The following DCTN5 variants were observed in gnomAD, a reference collection of about 807,000 sequenced individuals.
DCTN5 encodes the protein dynactin 4.
DCTN5 carries 14 observed loss-of-function variants against 23.5 expected under a neutral mutation model. That is an observed-to-expected ratio of 0.60 (90% CI 0.39 to 0.93). The LOEUF is 0.93. Ranked by LOEUF, DCTN5 falls within the 40% of genes least tolerant of loss-of-function variation. The pLI is 0.00. For synonymous variants in DCTN5, 67 were observed against 79.6 expected (o/e 0.84, Z 0.84); for missense variants, 156 against 225.9 (o/e 0.69, Z 1.98).
chr16:23,656,363 A>G (rs74012306), intron 2 of DCTN5, among the ~76,000 whole-genome samples: 9,637 of 152,258 alleles, frequency 0.063, 640 homozygotes, highest in African/African-American at 0.16. Flanking sequence ...TTTCCAGTTC[A>G]TTTGTTCAAA....
chr16:23,642,857 A>C, intron 1 of DCTN5, 98 bp from the exon 2 acceptor site: 1 of 1,052,304 alleles, frequency 9.5e-7, no homozygotes, highest in East Asian at 2.4e-5. Context: ...ACCCCACTTT[A>C]TGTTTTTTTC....
In DCTN5 at chr16:23,671,310, C is replaced by T. The variant is rs3863493; in HGVS notation, c.*4166C>T. ...ACTCAATAAACGGCAGTTTATTAGG[C>T]ACTTTTATTAGGAAGTGATACACCT... On this transcript the variant is annotated 3_prime_UTR_variant, in exon 6 of 6. Transcript: ENST00000300087. 2.6e-5 allele frequency: 4 copies of T among 152,008 alleles called. No homozygotes were observed. The highest frequency in any genetic ancestry group is 2.9e-5 in the Non-Finnish European group (2 of 67,990). 9.4% of individuals were successfully genotyped at this position (152,008 alleles called of 1,614,324 possible).
rs1379417833 is a variant in DCTN5, at chr16:23,667,662, GC to G, written c.*521del. On this transcript the variant is annotated 3_prime_UTR_variant, in exon 6 of 6. Transcript: ENST00000300087. The stretch of plus-strand genomic sequence containing the variant: ...GGAAAGGTGTTTGTGACTTTTCAGA[GC>G]CCAGATTCCTGTTGTCTATTAAAAC... 1 of 155,826 alleles carries G rather than the reference GC, an allele frequency of 6.4e-6. No homozygotes were observed. Among genetic ancestry groups the G allele is most frequent in the Admixed American group, 6.2e-5 (1 of 16,170 alleles). The allele number at this position is 155,826 out of a possible 1,614,324, so 9.7% of individuals were successfully genotyped here.
rs1321266083 is a variant in DCTN5, at chr16:23,667,909, T to TA, written c.*766dup. The TA allele has an allele frequency of 2.0e-5, 3 of 152,242 alleles. No homozygotes were observed. The highest frequency in any genetic ancestry group is 1.9e-4 in the East Asian group (1 of 5,202). The allele number at this position is 152,242 out of a possible 1,614,324, so 9.4% of individuals were successfully genotyped here. A position where few individuals can be genotyped will look rare whatever the true frequency, so the allele number is the denominator to read the frequency against. ...TGGTTACTCCTTGCTTCAAGGTACT[T>TA]ACCTTATTTCATTGAAGACACCGCA... On this transcript the variant is annotated 3_prime_UTR_variant, in exon 6 of 6. Transcript: ENST00000300087.
At chr16:23,662,354 C>G (rs1967830012) in intron 4 of DCTN5, among the ~76,000 whole-genome samples, 1 of 152,146 alleles carries the variant, frequency 6.6e-6, no homozygotes. Context: ...CTGTAGGACC[C>G]TGGTCCATTG....
Position 23,670,634 on chromosome 16 carries a change from G to C in DCTN5, c.*3490G>C, listed in dbSNP as rs1227366985. 1 of 152,188 alleles carries C rather than the reference G, an allele frequency of 6.6e-6. No homozygotes were observed. The highest frequency in any genetic ancestry group is 1.9e-4 in the East Asian group (1 of 5,198). 9.4% of individuals were successfully genotyped at this position (152,188 alleles called of 1,614,324 possible). A position where few individuals can be genotyped will look rare whatever the true frequency, so the allele number is the denominator to read the frequency against. On this transcript the variant is annotated 3_prime_UTR_variant, in exon 6 of 6. Coordinates refer to ENST00000300087, the MANE Select transcript of DCTN5 (RefSeq NM_032486.4). Reference sequence around the variant, plus strand: ...CAGCTGGCTGGTCTCCTGGGGGTTAGCTTCCATGGAGCTGCAAGTCCCCTG... The same window carrying C: ...CAGCTGGCTGGTCTCCTGGGGGTTACCTTCCATGGAGCTGCAAGTCCCCTG...
At position 23,653,499 on chromosome 16, in the gene DCTN5, A is replaced by G. The variant is rs143454734; in HGVS notation, c.118-5008A>G. ...GGTGCTTGGATAACTGGCTAGCCAT[A>G]TGGAGAAAATTGAAACTGGACCCCT... is the stretch of plus-strand genomic sequence containing the variant. On this transcript the variant is annotated intron_variant, in intron 2 of 5. Transcript: ENST00000300087. 6.3e-3 allele frequency among the ~76,000 whole-genome samples: 954 copies of G among 152,312 alleles called. 11 individuals carry two copies. Among genetic ancestry groups the G allele is most frequent in the African/African-American group, 0.022 (897 of 41,566 alleles).
At chr16:23,660,708 T>C (rs1401737128) in intron 3 of DCTN5, among the ~76,000 whole-genome samples, 1 of 152,224 alleles carries the variant, frequency 6.6e-6, no homozygotes, top group Non-Finnish European at 1.5e-5. Flanking sequence ...ATTTCTAGCA[T>C]TGAGTCTGGC....
intron 2 of DCTN5, among the ~76,000 whole-genome samples, chr16:23,647,992 T>A (rs1358745204): frequency 6.6e-6 from 1 of 152,202 alleles, no homozygotes; most frequent in African/African-American, 2.4e-5. Context: ...TATTCCTATT[T>A]TTGCCACCCT....
chr16:23,652,816 ATAATT>A (rs1967629767), intron 2 of DCTN5, among the ~76,000 whole-genome samples: 1 of 152,228 alleles, frequency 6.6e-6, no homozygotes. Context: ...GGGGCACATG[ATAATT>A]TAATACATTT....
In DCTN5 at chr16:23,667,481, T is replaced by C; in HGVS notation, c.*337T>C. ...GGCTGGATCCCGCCTGAAACGGACC[T>C]GCAGAGCAGCAGCACCCTTCCGGTG... On this transcript the variant is annotated 3_prime_UTR_variant, in exon 6 of 6. Transcript: ENST00000300087. 1 of 273,308 alleles carries C rather than the reference T, an allele frequency of 3.7e-6. No individual in the cohort carries two copies. The highest frequency in any genetic ancestry group is 7.2e-6 in the Non-Finnish European group (1 of 139,030). The allele number at this position is 273,308 out of a possible 1,614,324, so 16.9% of individuals were successfully genotyped here.
At chr16:23,663,491 A>T (rs1967851918) in intron 4 of DCTN5, among the ~76,000 whole-genome samples, 1 of 152,158 alleles carries the variant, frequency 6.6e-6, no homozygotes, top group South Asian at 2.1e-4. Context: ...AGGCAGGAGG[A>T]TCACTTGAGG....
chr16:23,647,755 G>A (rs139465383), intron 2 of DCTN5, among the ~76,000 whole-genome samples: 4,189 of 152,152 alleles, frequency 0.028, 81 homozygotes, highest in Middle Eastern at 0.095. Flanking sequence ...TGATCTGCCT[G>A]CCTCAGCCTC....
In DCTN5 at chr16:23,674,543, T is replaced by C. The variant is rs1968061229; in HGVS notation, c.*7399T>C. The C allele has an allele frequency of 1.3e-5, 2 of 152,232 alleles. No individual in the cohort carries two copies. The highest frequency in any genetic ancestry group is 2.9e-5 in the Non-Finnish European group (2 of 68,058). 9.4% of individuals were successfully genotyped at this position (152,232 alleles called of 1,614,324 possible). A position where few individuals can be genotyped will look rare whatever the true frequency, so the allele number is the denominator to read the frequency against. ...TTAGTTGCAGCTTGCAACAGTGGAC[T>C]GACAGCCTGACTCTACTTCCCTCAC... is the stretch of plus-strand genomic sequence containing the variant. On this transcript the variant is annotated 3_prime_UTR_variant, in exon 6 of 6. Coordinates refer to ENST00000300087, the MANE Select transcript of DCTN5 (RefSeq NM_032486.4).
chr16:23,660,044 T>A (rs1039966552), intron 3 of DCTN5, among the ~76,000 whole-genome samples: 1 of 152,194 alleles, frequency 6.6e-6, no homozygotes, highest in African/African-American at 2.4e-5. Context: ...AAATGTGGAT[T>A]TTTTTCTACC....
At chr16:23,660,522 T>G (rs1204587715) in intron 3 of DCTN5, among the ~76,000 whole-genome samples, 1 of 152,226 alleles carries the variant, frequency 6.6e-6, no homozygotes, top group East Asian at 1.9e-4. Context: ...AATTAAGTTT[T>G]TCCTAAATCC....
At chr16:23,659,368 G>A (rs1324264100) in intron 3 of DCTN5, among the ~76,000 whole-genome samples, 3 of 152,176 alleles carry the variant, frequency 2.0e-5, no homozygotes, top group Non-Finnish European at 4.4e-5. Flanking sequence ...TTGCCTCTTT[G>A]CTTCTCTCCT....
Position 23,668,998 on chromosome 16 carries a change from A to G in DCTN5, c.*1854A>G, listed in dbSNP as rs1180236707. ...ACAAAAACAATAGCTACTACAAACA[A>G]TAGGAGTTTATAATTATGTGCTGAT... is the stretch of plus-strand genomic sequence containing the variant. On this transcript the variant is annotated 3_prime_UTR_variant, in exon 6 of 6. Transcript: ENST00000300087. 1.3e-5 allele frequency: 2 copies of G among 152,668 alleles called. No individual in the cohort carries two copies. The highest frequency in any genetic ancestry group is 6.5e-5 in the Admixed American group (1 of 15,286). 9.5% of individuals were successfully genotyped at this position (152,668 alleles called of 1,614,324 possible).
intron 2 of DCTN5, among the ~76,000 whole-genome samples, chr16:23,653,347 A>G (rs1239524998): frequency 1.3e-5 from 2 of 152,212 alleles, no homozygotes; most frequent in African/African-American, 4.8e-5. Flanking sequence ...TGCTGGTACA[A>G]GAACAGACAC....
Sources: gnomAD v4.1 joint callset for allele counts (sites outside exome capture counted in the v4.1 genomes callset) on GRCh38, gnomAD v4.1.1 for gene constraint, MANE v1.5 for transcripts, NCBI Gene and HGNC (gene_info 2026-07-23, HGNC 2026-07-21) for gene names.